Variants in NRXN3 observed in about 807,000 individuals in gnomAD.
NRXN3 encodes the protein neurexin III.
Under a neutral mutation model 137.6 loss-of-function variants are expected in NRXN3, and 32 were observed. The observed-to-expected ratio is 0.23, with a 90% CI of 0.18 to 0.31. The LOEUF is 0.31. Among genes scored for constraint, NRXN3 ranks in the 10% least tolerant of loss-of-function variants. NRXN3 has a pLI of 1.00. For missense variants in NRXN3, 1,574 were observed against 2,062.5 expected, an observed-to-expected ratio of 0.76 and a Z score of 4.59; for synonymous variants, 798 against 784.5, an observed-to-expected ratio of 1.02 and a Z score of -0.29.
intron 10 of NRXN3, among the ~76,000 whole-genome samples, chr14:78,888,589 C>T (rs2099150135): frequency 6.6e-6 from 1 of 151,960 alleles, no homozygotes; most frequent in Admixed American, 6.6e-5. Context: ...GTTACTTTTC[C>T]TCTATTCCCT....
chr14:78,282,005 T>C (rs2074473103), intron 3 of NRXN3: 2 of 405,034 alleles, frequency 4.9e-6, no homozygotes, highest in African/African-American at 4.1e-5. Flanking sequence ...CACAAGCACA[T>C]GGGGAGTTTT....
chr14:79,104,014 A>T (rs1187703203), intron 15 of NRXN3, among the ~76,000 whole-genome samples: 1 of 152,186 alleles, frequency 6.6e-6, no homozygotes, highest in Non-Finnish European at 1.5e-5. Flanking sequence ...GTGCACATAA[A>T]TACCCATGCC....
At chr14:79,308,411 G>A (rs995085156) in intron 15 of NRXN3, among the ~76,000 whole-genome samples, 5 of 152,066 alleles carry the variant, frequency 3.3e-5, no homozygotes, top group African/African-American at 7.2e-5. Flanking sequence ...GACTTAGGAT[G>A]CTATACCTGA....
At chr14:78,284,216 A>G (rs1320422115) in intron 3 of NRXN3, among the ~76,000 whole-genome samples, 1 of 152,198 alleles carries the variant, frequency 6.6e-6, no homozygotes, top group Non-Finnish European at 1.5e-5. Flanking sequence ...GCTGAGATAG[A>G]TGCATATCTG....
intron 15 of NRXN3, among the ~76,000 whole-genome samples, chr14:79,370,448 A>G (rs2094062890): frequency 6.6e-6 from 1 of 151,004 alleles, no homozygotes; most frequent in Non-Finnish European, 1.5e-5. Flanking sequence ...CCTCCCGAGT[A>G]GCTGGGATTA....
intron 4 of NRXN3, among the ~76,000 whole-genome samples, chr14:78,518,612 C>T (rs1567822856): frequency 1.3e-5 from 2 of 152,114 alleles, no homozygotes; most frequent in South Asian, 4.1e-4. Context: ...AATGCGAGCT[C>T]TTACTTGGCA....
At chr14:79,742,598 G>C (rs189293243) in intron 19 of NRXN3, among the ~76,000 whole-genome samples, 1 of 152,226 alleles carries the variant, frequency 6.6e-6, no homozygotes, top group Admixed American at 6.5e-5. Flanking sequence ...CTAATTGCCT[G>C]CTACTTGGCT....
intron 20 of NRXN3, among the ~76,000 whole-genome samples, chr14:79,858,127 T>TA (rs1374028935): frequency 4.0e-5 from 6 of 150,480 alleles, no homozygotes; most frequent in East Asian, 1.9e-4. Flanking sequence ...TGTAGAGTTA[T>TA]AAAAAATGTG....
At chr14:78,674,697 G>A (rs1230588705) in intron 6 of NRXN3, among the ~76,000 whole-genome samples, 1 of 152,146 alleles carries the variant, frequency 6.6e-6, no homozygotes, top group African/African-American at 2.4e-5. Context: ...AGACTATTAG[G>A]GGAGAGGGGG....
chr14:79,577,234 G>A (rs146853409), intron 16 of NRXN3, among the ~76,000 whole-genome samples: 376 of 152,038 alleles, frequency 2.5e-3, no homozygotes, highest in African/African-American at 4.7e-3. Flanking sequence ...TCAATTACCC[G>A]GTCTCAGATA....
Position 78,581,267 on chromosome 14 carries a change from C to A in NRXN3, c.758-63853C>A, listed in dbSNP as rs568092044. On this transcript the variant is annotated intron_variant, in intron 4 of 20. Coordinates refer to ENST00000335750, the MANE Select transcript of NRXN3 (RefSeq NM_001330195.2). ...TGCTGCTGGAACAAAATACCACAGA[C>A]TGAATAATTTATAAATAATGGAAAC... Among the ~76,000 whole-genome samples the A allele has an allele frequency of 2.0e-5, 3 of 152,334 alleles. No individual in the cohort carries two copies. In the East Asian group the frequency reaches 5.8e-4, roughly 29 times the overall value.
chr14:79,411,664 T>C (rs1460781592), intron 15 of NRXN3, among the ~76,000 whole-genome samples: 1 of 152,160 alleles, frequency 6.6e-6, no homozygotes, highest in Non-Finnish European at 1.5e-5. Context: ...TGGTATGTAG[T>C]AGAGTCATAA....
At position 79,320,923 on chromosome 14, in the gene NRXN3, A is replaced by G. The variant is rs565630789; in HGVS notation, c.3263-146298A>G. On this transcript the variant is annotated intron_variant, in intron 15 of 20. Transcript: ENST00000335750. Reference sequence around the variant, plus strand: ...CTTCTTTATTTATTCTTGAACTCCAATACCTATCACAGTACTTGGTCCTTA... The same window carrying G: ...CTTCTTTATTTATTCTTGAACTCCAGTACCTATCACAGTACTTGGTCCTTA... 4.7e-4 allele frequency among the ~76,000 whole-genome samples: 71 copies of G among 152,094 alleles called. No homozygotes were observed. In the South Asian group the frequency reaches 9.1e-3, roughly 20 times the overall value.
chr14:79,057,437 A>G (rs1340486420), intron 15 of NRXN3, among the ~76,000 whole-genome samples: 1 of 152,208 alleles, frequency 6.6e-6, no homozygotes, highest in Non-Finnish European at 1.5e-5. Flanking sequence ...TAAATGTGCC[A>G]CTTCATATTC....
At chr14:78,583,085 C>A (rs2097020203) in intron 4 of NRXN3, among the ~76,000 whole-genome samples, 1 of 152,174 alleles carries the variant, frequency 6.6e-6, no homozygotes, top group South Asian at 2.1e-4. Flanking sequence ...AACATTCACA[C>A]AGGCAATGTA....
Position 79,600,342 on chromosome 14 carries a change from G to C in NRXN3, c.3445-63436G>C, listed in dbSNP as rs2097909258. Among the ~76,000 whole-genome samples, 8 of 152,160 alleles carry C rather than the reference G, an allele frequency of 5.3e-5. No individual in the cohort carries two copies. The South Asian group carries it at 1.5e-3, about 28-fold the overall frequency. On this transcript the variant is annotated intron_variant, in intron 16 of 20. Transcript: ENST00000335750. ...CCAGTCAAATTTATTTAGGTCCTCT[G>C]AATAGTCTCTGAATGGAAGAAAGTG...
chr14:78,822,697 C>A (rs1183268304), intron 10 of NRXN3, among the ~76,000 whole-genome samples: 9 of 135,192 alleles, frequency 6.7e-5, no homozygotes, highest in South Asian at 2.3e-4. Flanking sequence ...AAACAACCAA[C>A]AACAAAAACA....
At chr14:78,985,744 G>A (rs1049291677) in intron 14 of NRXN3, among the ~76,000 whole-genome samples, 2 of 152,198 alleles carry the variant, frequency 1.3e-5, no homozygotes, top group Admixed American at 1.3e-4. Context: ...TGTATGGTGA[G>A]AGCTGTTTGG....
chr14:78,668,895 T>C (rs1283977591), intron 6 of NRXN3, among the ~76,000 whole-genome samples: 1 of 152,066 alleles, frequency 6.6e-6, no homozygotes, highest in Non-Finnish European at 1.5e-5. Flanking sequence ...CAAAACTTGA[T>C]AATTATAATG....
Sources: allele counts gnomAD v4.1 joint callset (sites outside exome capture counted in the v4.1 genomes callset), GRCh38; gene constraint gnomAD v4.1.1; transcripts MANE v1.5; gene names NCBI Gene and HGNC (gene_info 2026-07-23, HGNC 2026-07-21).